KCNMA1: variants seen among roughly 807,000 people sequenced by gnomAD.
KCNMA1 encodes the protein Calcium-activated potassium channel subunit alpha-1.
Under a neutral mutation model 140.0 loss-of-function variants are expected in KCNMA1, and 29 were observed. That is an observed-to-expected ratio of 0.21 (90% CI 0.15 to 0.28). The LOEUF (loss-of-function observed/expected upper bound fraction) is 0.28, where lower values mean the gene tolerates loss of function less well. Ranked by LOEUF, KCNMA1 falls within the 10% of genes least tolerant of loss-of-function variation. The pLI, the probability that KCNMA1 is intolerant of heterozygous loss-of-function variation, is 1.00. For synonymous variants in KCNMA1, 612 were observed against 611.9 expected (o/e 1.00, Z 0.00); for missense variants, 880 against 1,602.2 (o/e 0.55, Z 7.70).
chr10:77,208,484 TA>T (rs1180808096), intron 3 of KCNMA1, among the ~76,000 whole-genome samples: 1 of 152,104 alleles, frequency 6.6e-6, no homozygotes, highest in Non-Finnish European at 1.5e-5. Context: ...ACCTTGTCTC[TA>T]AAAATAAATA....
chr10:76,982,829 A>G (rs150313276), intron 19 of KCNMA1, among the ~76,000 whole-genome samples: 24 of 152,294 alleles, frequency 1.6e-4, no homozygotes, highest in African/African-American at 5.8e-4. Context: ...GGTAAGAAAC[A>G]CACATTCATG....
At chr10:77,211,260 T>C (rs955107409) in intron 3 of KCNMA1, among the ~76,000 whole-genome samples, 1 of 152,020 alleles carries the variant, frequency 6.6e-6, no homozygotes, top group African/African-American at 2.4e-5. Context: ...AACAGACATA[T>C]AGATCAGTGG....
At chr10:77,302,999 A>G (rs866216206) in intron 2 of KCNMA1, among the ~76,000 whole-genome samples, 2 of 152,262 alleles carry the variant, frequency 1.3e-5, no homozygotes, top group Middle Eastern at 3.4e-3. Context: ...CTCCTGCTGT[A>G]TCACTGAGTT....
chr10:77,518,872 C>T (rs901036945), intron 1 of KCNMA1, among the ~76,000 whole-genome samples: 3 of 152,202 alleles, frequency 2.0e-5, no homozygotes, highest in Non-Finnish European at 4.4e-5. Flanking sequence ...TAGTGGGAAG[C>T]CGCCTGCACT....
rs138451780 is a variant in KCNMA1 at position 77,475,161 on chromosome 10, C to T, written c.379-71138G>A. 1.8e-3 allele frequency among the ~76,000 whole-genome samples: 269 copies of T among 152,246 alleles called. 2 individuals are homozygous for T. Among genetic ancestry groups the T allele is most frequent in the South Asian group, 8.3e-3 (40 of 4,812 alleles). ...CTGTAAATGAGATAATAGGAGTGCA[C>T]GTGTTGTGTACCAGTGAAAGTCTAC... On this transcript the variant is annotated intron_variant, in intron 1 of 27. Transcript: ENST00000286628.
intron 1 of KCNMA1, among the ~76,000 whole-genome samples, chr10:77,452,606 G>A (rs1454327990): frequency 6.6e-6 from 1 of 152,194 alleles, no homozygotes; most frequent in Non-Finnish European, 1.5e-5. Context: ...GGAAGTTTCT[G>A]TCTGCCCATG....
intron 25 of KCNMA1, among the ~76,000 whole-genome samples, chr10:76,898,467 T>C (rs2043578905): frequency 1.3e-5 from 2 of 151,616 alleles, no homozygotes; most frequent in South Asian, 2.1e-4. Context: ...GAGGATATAA[T>C]CAGGTTGATT....
intron 1 of KCNMA1, among the ~76,000 whole-genome samples, chr10:77,490,591 G>T (rs1220431689): frequency 6.6e-6 from 1 of 152,196 alleles, no homozygotes; most frequent in Admixed American, 6.5e-5. Context: ...ACCACACTAG[G>T]TTATGTCATT....
chr10:77,546,354 C>A (rs1447913228), intron 1 of KCNMA1, among the ~76,000 whole-genome samples: 1 of 145,020 alleles, frequency 6.9e-6, no homozygotes, highest in Non-Finnish European at 1.5e-5. Context: ...TCCAGCCCCA[C>A]CGAGAAGCCA....
At chr10:77,266,698 G>C (rs2063539814) in intron 2 of KCNMA1, among the ~76,000 whole-genome samples, 1 of 152,128 alleles carries the variant, frequency 6.6e-6, no homozygotes, top group Non-Finnish European at 1.5e-5. Flanking sequence ...GGGACCTCTT[G>C]AAAGACCCCA....
chr10:77,388,716 T>C (rs1185317578), intron 2 of KCNMA1, among the ~76,000 whole-genome samples: 4 of 152,232 alleles, frequency 2.6e-5, no homozygotes, highest in Non-Finnish European at 5.9e-5. Flanking sequence ...AGGCTGTTTC[T>C]GAGAGTTAAA....
chr10:77,045,962 T>C (rs1369493332), intron 14 of KCNMA1, among the ~76,000 whole-genome samples: 8 of 152,176 alleles, frequency 5.3e-5, no homozygotes, highest in Non-Finnish European at 1.2e-4. Context: ...CAAATTCTTT[T>C]AATCCAAATA....
intron 1 of KCNMA1, among the ~76,000 whole-genome samples, chr10:77,545,097 T>C (rs1252323581): frequency 6.6e-6 from 1 of 152,198 alleles, no homozygotes; most frequent in Admixed American, 6.5e-5. Flanking sequence ...GTTTCTAATA[T>C]GTACTTAACT....
intron 1 of KCNMA1, among the ~76,000 whole-genome samples, chr10:77,483,242 T>G (rs897601822): frequency 6.6e-6 from 1 of 152,226 alleles, no homozygotes; most frequent in Non-Finnish European, 1.5e-5. Flanking sequence ...ATCAGAAATC[T>G]CTCTGCTCCG....
At chr10:77,288,517 T>C (rs2071868250) in intron 2 of KCNMA1, among the ~76,000 whole-genome samples, 1 of 152,204 alleles carries the variant, frequency 6.6e-6, no homozygotes, top group South Asian at 2.1e-4. Flanking sequence ...TTTACATGTA[T>C]TGACTAATTT....
At chr10:77,492,138 G>A (rs1279963214) in intron 1 of KCNMA1, among the ~76,000 whole-genome samples, 4 of 152,190 alleles carry the variant, frequency 2.6e-5, no homozygotes, top group South Asian at 2.1e-4. Flanking sequence ...AGTGCTTGCC[G>A]ACAGAGTGCA....
Position 76,932,783 on chromosome 10 carries a change from A to G in KCNMA1, c.2902+11990T>C, listed in dbSNP as rs1008894673. Among the ~76,000 whole-genome samples the G allele has an allele frequency of 3.9e-5, 6 of 152,198 alleles. No individual in the cohort carries two copies. In the South Asian group the frequency reaches 1.2e-3, roughly 32 times the overall value. ...CTATCATGAACTAGAGCAACAAAACACATCTTCCAAGTTCCTCCTGCTCCA... is the reference window on the plus strand; with the variant it reads ...CTATCATGAACTAGAGCAACAAAACGCATCTTCCAAGTTCCTCCTGCTCCA... On this transcript the variant is annotated intron_variant, in intron 23 of 27. Transcript: ENST00000286628.
chr10:77,426,577 T>A (rs1335171618), intron 1 of KCNMA1, among the ~76,000 whole-genome samples: 1 of 152,246 alleles, frequency 6.6e-6, no homozygotes. Context: ...CTGCTGTTAT[T>A]ATTCTTGTAG....
chr10:77,322,906 G>T (rs1036456039), intron 2 of KCNMA1, among the ~76,000 whole-genome samples: 5 of 152,134 alleles, frequency 3.3e-5, no homozygotes, highest in African/African-American at 1.2e-4. Context: ...GAATATCCAA[G>T]GTCCCCACCA....
Sources: allele counts gnomAD v4.1 joint callset (sites outside exome capture counted in the v4.1 genomes callset), GRCh38; gene constraint gnomAD v4.1.1; transcripts MANE v1.5; gene names NCBI Gene and HGNC (gene_info 2026-07-23, HGNC 2026-07-21).